The following GPHN variants were observed in gnomAD, a reference collection of about 807,000 sequenced individuals.
GPHN encodes gephyrin.
GPHN carries 17 observed loss-of-function variants against 95.5 expected under a neutral mutation model. That is an observed-to-expected ratio of 0.18 (90% CI 0.12 to 0.27). The LOEUF (loss-of-function observed/expected upper bound fraction) is 0.27, where lower values mean the gene tolerates loss of function less well. GPHN is among the 10% of genes least tolerant of loss of function. The pLI is 1.00. For synonymous variants in GPHN, 320 were observed against 322.5 expected, an observed-to-expected ratio of 0.99 and a Z score of 0.08; for missense variants, 660 against 978.1, an observed-to-expected ratio of 0.67 and a Z score of 4.34.
At chr14:67,451,376 T>G in the GPHN span, among the ~76,000 whole-genome samples, 3 of 152,240 alleles carry the variant, frequency 2.0e-5, no homozygotes, top group East Asian at 5.8e-4. Flanking sequence ...CAACAGCAGC[T>G]TGCACCCGTC....
chr14:67,004,917 G>T (rs1043743466), intron 9 of GPHN, among the ~76,000 whole-genome samples: 8 of 151,640 alleles, frequency 5.3e-5, no homozygotes, highest in African/African-American at 1.9e-4. Flanking sequence ...ATGACTTACT[G>T]GAGGAGAATG....
chr14:66,683,367 TATATATATATATGTTC>T (rs2067094336), intron 2 of GPHN, among the ~76,000 whole-genome samples: 1 of 18,904 alleles, frequency 5.3e-5, no homozygotes, highest in Non-Finnish European at 1.1e-4. Flanking sequence ...TATATATATA[TATATATATATATGTTC>T]ATATATATAT....
At chr14:66,573,436 A>G (rs2060776772) in intron 1 of GPHN, among the ~76,000 whole-genome samples, 1 of 149,722 alleles carries the variant, frequency 6.7e-6, no homozygotes, top group South Asian at 2.1e-4. Flanking sequence ...ACCACTTTCT[A>G]ATTATATAAT....
intron 4 of GPHN, among the ~76,000 whole-genome samples, chr14:66,825,943 G>A (rs2061371742): frequency 6.6e-6 from 1 of 152,146 alleles, no homozygotes; most frequent in South Asian, 2.1e-4. Context: ...AGGTGTGCTT[G>A]TGTTTTGTTT....
intron 18 of GPHN, among the ~76,000 whole-genome samples, chr14:67,143,853 C>T (rs1257957783): frequency 1.3e-5 from 2 of 152,032 alleles, no homozygotes; most frequent in African/African-American, 2.4e-5. Context: ...TCCAAATCTA[C>T]CAAGAATGCT....
rs529503009 is a variant in GPHN at position 66,562,276 on chromosome 14, A to T, written c.64+53685A>T. Among the ~76,000 whole-genome samples the T allele has an allele frequency of 4.6e-5, 7 of 152,208 alleles. No individual in the cohort carries two copies. In the South Asian group the frequency reaches 1.2e-3, roughly 27 times the overall value. The stretch of plus-strand genomic sequence containing the variant: ...TCTGCGGATCTATTTCAGTGTGATG[A>T]CTCTAGTATTGTATACTTGAAAATT... On this transcript the variant is annotated intron_variant, in intron 1 of 22. Transcript: ENST00000478722.
chr14:67,058,561 A>C, intron 10 of GPHN, 88 bp from the exon 11 acceptor site: 1 of 1,131,944 alleles, frequency 8.8e-7, no homozygotes, highest in Non-Finnish European at 1.3e-6. Context: ...GGGACATTTG[A>C]AATTGGGAGT....
At chr14:67,287,761 T>C in the GPHN span, among the ~76,000 whole-genome samples, 2 of 152,232 alleles carry the variant, frequency 1.3e-5, no homozygotes, top group Non-Finnish European at 2.9e-5. Flanking sequence ...ATCTATACGG[T>C]TAGACCAGCA....
chr14:67,660,039 C>A, the GPHN span: 1 of 1,033,832 alleles, frequency 9.7e-7, no homozygotes, highest in Non-Finnish European at 1.4e-6. Flanking sequence ...AAGTAAATAA[C>A]CATATGCTCC....
chr14:67,259,018 T>C, the GPHN span, among the ~76,000 whole-genome samples: 1 of 151,006 alleles, frequency 6.6e-6, no homozygotes, highest in African/African-American at 2.4e-5. Flanking sequence ...AATTTTTGTA[T>C]TTTTAGTAGA....
At chr14:66,813,717 A>G (rs147990610) in intron 3 of GPHN, among the ~76,000 whole-genome samples, 64 of 152,330 alleles carry the variant, frequency 4.2e-4, no homozygotes, top group African/African-American at 1.4e-3. Flanking sequence ...ACTTGCTCCC[A>G]TAAGAGACTT....
chr14:66,510,108 G>A (rs1375694912), intron 1 of GPHN, among the ~76,000 whole-genome samples: 1 of 152,150 alleles, frequency 6.6e-6, no homozygotes, highest in Admixed American at 6.5e-5. Context: ...TCTTCTTTTG[G>A]TCCTGAAACT....
chr14:67,253,295 G>A, the GPHN span, among the ~76,000 whole-genome samples: 2 of 152,188 alleles, frequency 1.3e-5, no homozygotes, highest in African/African-American at 2.4e-5. Flanking sequence ...TAAGAGATAG[G>A]AGTTGTGTGA....
At chr14:67,050,032 A>G (rs929085702) in intron 10 of GPHN, among the ~76,000 whole-genome samples, 4 of 152,232 alleles carry the variant, frequency 2.6e-5, no homozygotes, top group African/African-American at 9.6e-5. Flanking sequence ...TTATATATCC[A>G]AAGGTCCTTG....
chr14:66,762,702 A>G (rs17836585), intron 2 of GPHN, among the ~76,000 whole-genome samples: 47,347 of 152,054 alleles, frequency 0.31, 11,220 homozygotes, highest in African/African-American at 0.64. Flanking sequence ...GCCTAACACA[A>G]TGCCTATTAG....
chr14:67,644,655 A>C, the GPHN span, among the ~76,000 whole-genome samples: 2 of 152,214 alleles, frequency 1.3e-5, no homozygotes, highest in Non-Finnish European at 2.9e-5. Flanking sequence ...TGGCTAATGT[A>C]AGCAGAGCCC....
chr14:67,663,209 C>T, the GPHN span: 1 of 1,485,478 alleles, frequency 6.7e-7, no homozygotes, highest in Admixed American at 2.0e-5. Flanking sequence ...AAAAATAGAA[C>T]AGGCTTCAGC....
the GPHN span, among the ~76,000 whole-genome samples, chr14:67,261,429 A>G: frequency 5.9e-5 from 9 of 152,176 alleles, no homozygotes. Flanking sequence ...GTATAGTTAT[A>G]AGTATGTTTA....
chr14:67,490,673 C>T, the GPHN span, among the ~76,000 whole-genome samples: 5 of 152,208 alleles, frequency 3.3e-5, no homozygotes, highest in African/African-American at 1.2e-4. Flanking sequence ...CTGACCAGAA[C>T]CTAAAAATCA....
Sources: allele counts gnomAD v4.1 joint callset (sites outside exome capture counted in the v4.1 genomes callset), GRCh38; gene constraint gnomAD v4.1.1; transcripts MANE v1.5; gene names NCBI Gene and HGNC (gene_info 2026-07-23, HGNC 2026-07-21).